PDLIM5: variants seen among roughly 807,000 people sequenced by gnomAD.
PDLIM5 encodes PDZ and LIM domain 5.
A neutral mutation model predicts 64.2 loss-of-function variants in PDLIM5; 34 were observed. That is an observed-to-expected ratio of 0.53 (90% confidence interval 0.40 to 0.71). The LOEUF is 0.71. Ranked by LOEUF, PDLIM5 falls within the 30% of genes least tolerant of loss-of-function variation. The pLI is 0.00. For missense variants in PDLIM5, 683 were observed against 733.6 expected (o/e 0.93, Z 0.80); for synonymous variants, 253 against 269.1 (o/e 0.94, Z 0.59).
chr4:94,560,801 A>G (rs1733768414), intron 3 of PDLIM5, among the ~76,000 whole-genome samples: 1 of 152,138 alleles, frequency 6.6e-6, no homozygotes, highest in Non-Finnish European at 1.5e-5. Flanking sequence ...ATCTTGGCTT[A>G]CTGCATGCTC....
intron 9 of PDLIM5, among the ~76,000 whole-genome samples, chr4:94,643,031 C>T (rs1255234540): frequency 6.6e-6 from 1 of 151,998 alleles, no homozygotes; most frequent in South Asian, 2.1e-4. Flanking sequence ...TAAAGGCAAA[C>T]TAAAGCACAT....
intron 2 of PDLIM5, among the ~76,000 whole-genome samples, chr4:94,501,670 A>G (rs1182193926): frequency 2.0e-5 from 3 of 152,170 alleles, no homozygotes; most frequent in African/African-American, 7.2e-5. Context: ...GGAGACTTTA[A>G]AAGACTGACA....
At chr4:94,460,565 G>C (rs1407767486) in intron 2 of PDLIM5, among the ~76,000 whole-genome samples, 1 of 151,128 alleles carries the variant, frequency 6.6e-6, no homozygotes, top group African/African-American at 2.4e-5. Context: ...AGGTTACAGT[G>C]GGCTGTAGTC....
chr4:94,658,747 T>A (rs1318703587), intron 11 of PDLIM5, among the ~76,000 whole-genome samples: 1 of 152,242 alleles, frequency 6.6e-6, no homozygotes, highest in African/African-American at 2.4e-5. Context: ...TATTCCAGAC[T>A]GTCTCCCAGG....
chr4:94,605,068 T>G (rs1737809649), intron 7 of PDLIM5, among the ~76,000 whole-genome samples: 1 of 152,160 alleles, frequency 6.6e-6, no homozygotes, highest in African/African-American at 2.4e-5. Context: ...AAAGATAGTC[T>G]GTTGTTTTTA....
In PDLIM5 at chr4:94,650,302, T is replaced by C. The variant is rs559831708; in HGVS notation, c.1284-4158T>C. 1.2e-4 allele frequency among the ~76,000 whole-genome samples: 18 copies of C among 152,336 alleles called. No individual in the cohort carries two copies. In the South Asian group the frequency reaches 3.7e-3, roughly 32 times the overall value. On this transcript the variant is annotated intron_variant, in intron 9 of 12. Transcript: ENST00000317968. ...CTATTCCTGTGGCTGTGTTGTTCTT[T>C]TGCCCTTTGCTCACGCCAGGCCCTT...
intron 2 of PDLIM5, among the ~76,000 whole-genome samples, chr4:94,502,724 A>G (rs778997490): frequency 3.9e-5 from 6 of 152,072 alleles, no homozygotes; most frequent in Non-Finnish European, 8.8e-5. Context: ...TAAAAATACA[A>G]AAATTAGCCG....
intron 2 of PDLIM5, among the ~76,000 whole-genome samples, chr4:94,511,922 T>A (rs1459206805): frequency 6.6e-6 from 1 of 152,208 alleles, no homozygotes; most frequent in African/African-American, 2.4e-5. Flanking sequence ...TTGTGAACAC[T>A]GCTGCAACAA....
chr4:94,526,733 T>G (rs1164405884), intron 3 of PDLIM5, among the ~76,000 whole-genome samples: 2 of 145,190 alleles, frequency 1.4e-5, no homozygotes, highest in African/African-American at 5.1e-5. Context: ...AGCATTTCTT[T>G]CTTTCTTTTT....
At chr4:94,532,107 A>G (rs7679187) in intron 3 of PDLIM5, among the ~76,000 whole-genome samples, 5,688 of 152,200 alleles carry the variant, frequency 0.037, 359 homozygotes, top group African/African-American at 0.13. Flanking sequence ...GCTTCTATGT[A>G]TGCATTCTGT....
intron 11 of PDLIM5, among the ~76,000 whole-genome samples, chr4:94,661,978 G>A (rs922452272): frequency 1.3e-5 from 2 of 151,928 alleles, no homozygotes; most frequent in East Asian, 1.9e-4. Context: ...GCGCCACCAC[G>A]CCCAGCTAAT....
chr4:94,630,235 T>C (rs1740034859), intron 8 of PDLIM5, among the ~76,000 whole-genome samples: 1 of 152,192 alleles, frequency 6.6e-6, no homozygotes, highest in Non-Finnish European at 1.5e-5. Flanking sequence ...TTAGCTTCAG[T>C]GTTTTTAACA....
Position 94,495,102 on chromosome 4 carries a change from A to G in PDLIM5, c.97-28622A>G, listed in dbSNP as rs114452239. Among the ~76,000 whole-genome samples, 1,128 of 152,278 alleles carry G rather than the reference A, an allele frequency of 7.4e-3. 14 individuals are homozygous for G. The highest frequency in any genetic ancestry group is 0.025 in the African/African-American group (1,054 of 41,550). The stretch of plus-strand genomic sequence containing the variant: ...TAGAACTGACCACTGTTTCTGACAT[A>G]TAATAGTGGTTCTCCTTAACACTAA... On this transcript the variant is annotated intron_variant, in intron 2 of 12. Coordinates refer to ENST00000317968, the MANE Select transcript of PDLIM5 (RefSeq NM_006457.5).
chr4:94,610,148 C>G, intron 7 of PDLIM5: 8 of 1,493,426 alleles, frequency 5.4e-6, no homozygotes, highest in Non-Finnish European at 7.1e-6. Flanking sequence ...GTTTTTCTTT[C>G]CCTACCTGTC....
intron 3 of PDLIM5, among the ~76,000 whole-genome samples, chr4:94,539,295 C>T (rs2110177606): frequency 6.6e-6 from 1 of 151,810 alleles, no homozygotes; most frequent in South Asian, 2.1e-4. Flanking sequence ...TAATTCATAC[C>T]CCGAATTCAT....
At chr4:94,607,985 A>G in intron 7 of PDLIM5, 6 of 1,026,894 alleles carry the variant, frequency 5.8e-6, no homozygotes, top group Non-Finnish European at 8.3e-6. Flanking sequence ...AAAAGATGGT[A>G]TAGATGATAA....
At chr4:94,524,225 C>G (rs1416265624) in intron 3 of PDLIM5, among the ~76,000 whole-genome samples, 1 of 151,788 alleles carries the variant, frequency 6.6e-6, no homozygotes, top group Non-Finnish European at 1.5e-5. Flanking sequence ...AAAAATTAGC[C>G]AGGCGTGGTG....
intron 3 of PDLIM5, among the ~76,000 whole-genome samples, chr4:94,559,128 GAT>G (rs994957970): frequency 2.0e-5 from 3 of 152,084 alleles, no homozygotes; most frequent in African/African-American, 7.2e-5. Flanking sequence ...AAATAAAAAA[GAT>G]ATTATTATGA....
At chr4:94,521,876 TG>T (rs1729861268) in intron 2 of PDLIM5, among the ~76,000 whole-genome samples, 1 of 152,138 alleles carries the variant, frequency 6.6e-6, no homozygotes, top group African/African-American at 2.4e-5. Flanking sequence ...TGCCCTTCTT[TG>T]CTAAAATAAA....
Sources: gnomAD v4.1 joint callset for allele counts (sites outside exome capture counted in the v4.1 genomes callset) on GRCh38, gnomAD v4.1.1 for gene constraint, MANE v1.5 for transcripts, NCBI Gene and HGNC (gene_info 2026-07-23, HGNC 2026-07-21) for gene names.